PDZRN3: variants seen among roughly 807,000 people sequenced by gnomAD.
The protein encoded by PDZRN3 is PDZ domain containing ring finger 3.
Under a neutral mutation model 85.7 loss-of-function variants are expected in PDZRN3, and 38 were observed. The ratio of observed to expected loss-of-function variants is 0.44; its 90% CI spans 0.34 to 0.58. PDZRN3 has a LOEUF of 0.58. PDZRN3 is among the 20% of genes least tolerant of loss of function. The pLI is 0.01. For synonymous variants in PDZRN3, 759 were observed against 638.0 expected (o/e 1.19, Z -2.86); for missense variants, 1,629 against 1,506.4 (o/e 1.08, Z -1.35).
At chr3:73,508,578 T>C (rs1704109510) in intron 3 of PDZRN3, among the ~76,000 whole-genome samples, 1 of 151,898 alleles carries the variant, frequency 6.6e-6, no homozygotes, top group Admixed American at 6.6e-5. Flanking sequence ...GATTTAGGAG[T>C]GAACAGTTTT....
chr3:73,430,146 G>C (rs1209128558), intron 3 of PDZRN3, among the ~76,000 whole-genome samples: 2 of 152,296 alleles, frequency 1.3e-5, no homozygotes, highest in East Asian at 1.9e-4. Flanking sequence ...TTGTATGTCA[G>C]TTTCTTCTCT....
intron 3 of PDZRN3, among the ~76,000 whole-genome samples, chr3:73,425,505 T>C (rs1022953597): frequency 6.6e-6 from 1 of 152,040 alleles, no homozygotes; most frequent in Non-Finnish European, 1.5e-5. Flanking sequence ...TTTTTCTACC[T>C]TGTGACTGAT....
In PDZRN3 at chr3:73,384,717, C is replaced by T. The variant is rs750026193; in HGVS notation, c.1849G>A (p.Asp617Asn). 6.2e-6 allele frequency: 10 copies of T among 1,613,978 alleles called. No homozygotes were observed. In the South Asian group the frequency reaches 8.8e-5, roughly 14 times the overall value. ...AAAGACTCGTTGCTGAAGGGCAGGTCGCCGCTGCCCAAGGTGTCCTGGCTG... is the reference window on the plus strand; with the variant it reads ...AAAGACTCGTTGCTGAAGGGCAGGTTGCCGCTGCCCAAGGTGTCCTGGCTG... ...TCSQDTLGSGDLPFSNESFIS... is the reference protein window; with the variant it reads ...TCSQDTLGSGNLPFSNESFIS... Residue 617 changes from aspartate to asparagine, a missense_variant, in exon 10 of 10, where the codon GAC (aspartate) becomes AAC (asparagine). Transcript: ENST00000263666.
At chr3:73,592,551 G>A (rs1702373681) in intron 3 of PDZRN3, among the ~76,000 whole-genome samples, 1 of 152,076 alleles carries the variant, frequency 6.6e-6, no homozygotes, top group Non-Finnish European at 1.5e-5. Context: ...AGGAGAAAAG[G>A]GGTGAGACCC....
chr3:73,570,436 T>C (rs767993530), intron 3 of PDZRN3, among the ~76,000 whole-genome samples: 4 of 152,208 alleles, frequency 2.6e-5, no homozygotes, highest in Non-Finnish European at 4.4e-5. Flanking sequence ...ACTTCTTGAA[T>C]TGATTTTTGG....
intron 3 of PDZRN3, among the ~76,000 whole-genome samples, chr3:73,590,937 T>C (rs889162243): frequency 6.6e-6 from 1 of 152,208 alleles, no homozygotes; most frequent in African/African-American, 2.4e-5. Flanking sequence ...ATGAAAATAT[T>C]AGTGATCCTT....
intron 3 of PDZRN3, among the ~76,000 whole-genome samples, chr3:73,527,324 T>C (rs897474438): frequency 5.9e-5 from 9 of 152,172 alleles, no homozygotes; most frequent in Non-Finnish European, 1.3e-4. Flanking sequence ...AACCAGTAAA[T>C]GGTTTTTAAG....
At chr3:73,545,371 C>G (rs1244958102) in intron 3 of PDZRN3, among the ~76,000 whole-genome samples, 3 of 152,144 alleles carry the variant, frequency 2.0e-5, no homozygotes, top group Non-Finnish European at 4.4e-5. Flanking sequence ...TGTGAAAAAT[C>G]CTGGTAGCTA....
chr3:73,480,312 T>C (rs1703537268), intron 3 of PDZRN3, among the ~76,000 whole-genome samples: 2 of 152,188 alleles, frequency 1.3e-5, no homozygotes, highest in African/African-American at 4.8e-5. Context: ...CTTTGTGATC[T>C]GGTTTTAACA....
chr3:73,385,866 T>C (rs1701370392), intron 8 of PDZRN3, 81 bp from the exon 9 acceptor site: 1 of 821,390 alleles, frequency 1.2e-6, no homozygotes, highest in Non-Finnish European at 2.1e-6. Flanking sequence ...GACATTACCT[T>C]GGGGGAAAAT....
intron 6 of PDZRN3, 138 bp from the exon 7 acceptor site, chr3:73,390,016 TGTC>T: frequency 1.4e-6 from 1 of 703,572 alleles, no homozygotes; most frequent in Non-Finnish European, 2.5e-6. Flanking sequence ...CAAGACTTAG[TGTC>T]GTGCAAGGAG....
At chr3:73,563,042 A>G (rs1371606222) in intron 3 of PDZRN3, among the ~76,000 whole-genome samples, 4 of 63,978 alleles carry the variant, frequency 6.3e-5, no homozygotes, top group East Asian at 1.3e-3. Flanking sequence ...TTTTTGAGAC[A>G]GAGTCTAGTT....
chr3:73,526,728 C>G (rs961933995), intron 3 of PDZRN3, among the ~76,000 whole-genome samples: 1 of 152,138 alleles, frequency 6.6e-6, no homozygotes, highest in African/African-American at 2.4e-5. Flanking sequence ...CAGTCTGTTG[C>G]GCAGGCTGGA....
At chr3:73,482,410 A>G (rs893145239) in intron 3 of PDZRN3, among the ~76,000 whole-genome samples, 1 of 152,194 alleles carries the variant, frequency 6.6e-6, no homozygotes, top group African/African-American at 2.4e-5. Flanking sequence ...TCTTCTAAAA[A>G]AAATAGTGGA....
At chr3:73,557,418 G>A (rs1275914716) in intron 3 of PDZRN3, among the ~76,000 whole-genome samples, 1 of 152,172 alleles carries the variant, frequency 6.6e-6, no homozygotes, top group African/African-American at 2.4e-5. Flanking sequence ...GGATTTCTGT[G>A]ACTATTTCTC....
At position 73,383,180 on chromosome 3, in the gene PDZRN3, G is replaced by GTGTT. The variant is rs1378354424; in HGVS notation, c.*181_*184dup. On this transcript the variant is annotated 3_prime_UTR_variant, in exon 10 of 10. Transcript: ENST00000263666. Reference sequence around the variant, plus strand: ...AATATTGCCTTCCAAGATAGTAAGGGTGTTTTTCTCTCTCTTCCCTTAAAA... The same window carrying GTGTT: ...AATATTGCCTTCCAAGATAGTAAGGGTGTTTGTTTTTCTCTCTCTTCCCTTAAAA... The GTGTT allele has an allele frequency of 1.1e-5, 6 of 540,152 alleles. No individual in the cohort carries two copies. The highest frequency in any genetic ancestry group is 9.5e-5 in the African/African-American group (5 of 52,756). 33.5% of individuals were successfully genotyped at this position (540,152 alleles called of 1,614,324 possible).
intron 5 of PDZRN3, among the ~76,000 whole-genome samples, chr3:73,397,782 G>T (rs539816728): frequency 6.6e-5 from 10 of 152,326 alleles, no homozygotes; most frequent in African/African-American, 2.4e-4. Context: ...TTAGGTAAGA[G>T]AAATGACCTG....
At chr3:73,482,503 A>G (rs951824873) in intron 3 of PDZRN3, among the ~76,000 whole-genome samples, 1 of 152,178 alleles carries the variant, frequency 6.6e-6, no homozygotes, top group East Asian at 1.9e-4. Flanking sequence ...CAAATCACAC[A>G]TTTACTACCT....
intron 3 of PDZRN3, among the ~76,000 whole-genome samples, chr3:73,576,521 T>C (rs1702125710): frequency 6.6e-6 from 1 of 152,102 alleles, no homozygotes; most frequent in Admixed American, 6.5e-5. Context: ...AAATCAGTGA[T>C]CCCAGCTATA....
Sources: gnomAD v4.1 joint callset for allele counts (sites outside exome capture counted in the v4.1 genomes callset) on GRCh38, gnomAD v4.1.1 for gene constraint, MANE v1.5 for transcripts, NCBI Gene and HGNC (gene_info 2026-07-23, HGNC 2026-07-21) for gene names.